The following PCDHGA5 variants were observed in gnomAD, a reference collection of about 807,000 sequenced individuals.
PCDHGA5 encodes protocadherin gamma subfamily A, 5, also known as protocadherin gamma-A5.
Under a neutral mutation model 56.7 loss-of-function variants are expected in PCDHGA5, and 36 were observed. That is an observed-to-expected ratio of 0.64 (90% CI 0.49 to 0.84). The LOEUF (loss-of-function observed/expected upper bound fraction) is 0.84. Ranked by LOEUF, PCDHGA5 falls within the 40% of genes least tolerant of loss-of-function variation. The pLI, the probability that PCDHGA5 is intolerant of heterozygous loss-of-function variation, is 0.00. For synonymous variants in PCDHGA5, 563 were observed against 520.2 expected (o/e 1.08, Z -1.12); for missense variants, 1,305 against 1,201.5 (o/e 1.09, Z -1.27).
At chr5:141,370,364 G>A (rs769081116) in intron 1 of PCDHGA5, 5 of 1,521,178 alleles carry the variant, frequency 3.3e-6, no homozygotes, top group Non-Finnish European at 3.5e-6. Context: ...CCTCTCCTCG[G>A]ATTTAGAAAG....
rs367578838 is a variant in PCDHGA5, at chr5:141,432,537, C to A, written c.2422-62270C>A. The A allele has an allele frequency of 5.0e-6, 8 of 1,613,882 alleles. No individual in the cohort carries two copies. Among genetic ancestry groups the A allele is most frequent in the African/African-American group, 1.3e-5 (1 of 74,922 alleles). Reference sequence around the variant, plus strand: ...GGCTACCTGGTGACCAAGGTGGTGGCGGTGGACAGAGACTCCGGCCAGAAC... The same window carrying A: ...GGCTACCTGGTGACCAAGGTGGTGGAGGTGGACAGAGACTCCGGCCAGAAC... On this transcript the variant is annotated intron_variant, in intron 1 of 3. Coordinates refer to ENST00000518069, the MANE Select transcript of PCDHGA5 (RefSeq NM_018918.3). This position sits in a 1 kb window ranked among gnomAD's most constrained non-coding sequence, Gnocchi z 6.0.
Position 141,486,006 on chromosome 5 carries a change from C to G in PCDHGA5, c.2422-8801C>G, listed in dbSNP as rs1394484191. The G allele has an allele frequency of 1.9e-6, 3 of 1,614,190 alleles. No individual in the cohort carries two copies. The highest frequency in any genetic ancestry group is 1.1e-5 in the South Asian group (1 of 91,084). On this transcript the variant is annotated intron_variant, in intron 1 of 3. Transcript: ENST00000518069. The surrounding 1 kb of genome is among the most constrained non-coding windows in gnomAD (Gnocchi z 5.0). Reference sequence around the variant, plus strand: ...GACCTGGGTCCCAGTGGTAACGTCACCTTTTATTTCAGTGGTCATACCCCT... The same window carrying G: ...GACCTGGGTCCCAGTGGTAACGTCAGCTTTTATTTCAGTGGTCATACCCCT...
At position 141,408,301 on chromosome 5, in the gene PCDHGA5, C is replaced by T. The variant is rs1472435921; in HGVS notation, c.2421+41550C>T. 3.1e-6 allele frequency: 5 copies of T among 1,613,756 alleles called. No individual in the cohort carries two copies. In the Admixed American group the frequency reaches 8.3e-5, roughly 27 times the overall value. ...TCTACCCCACCCTGAGTGAGCCGAT[C>T]CGCTACTCGATTCCGGAGGAGCTGG... On this transcript the variant is annotated intron_variant, in intron 1 of 3. Transcript: ENST00000518069.
At chr5:141,409,201 A>G (rs2095240333) in intron 1 of PCDHGA5, 1 of 1,614,044 alleles carries the variant, frequency 6.2e-7, no homozygotes, top group Non-Finnish European at 8.5e-7. Flanking sequence ...AGTGTAAAGT[A>G]ATCATAGAAA....
chr5:141,386,848 A>G (rs1458200403), intron 1 of PCDHGA5, among the ~76,000 whole-genome samples: 1 of 152,186 alleles, frequency 6.6e-6, no homozygotes, highest in East Asian at 1.9e-4. Flanking sequence ...TAATCACTAA[A>G]CTCAGTGAGC....
intron 1 of PCDHGA5, chr5:141,395,097 G>C (rs376460647): frequency 1.9e-6 from 3 of 1,614,158 alleles, no homozygotes; most frequent in Non-Finnish European, 2.5e-6. Flanking sequence ...CCTCACCGCC[G>C]ACTCGCGGAA....
Position 141,388,463 on chromosome 5 carries a change from G to A in PCDHGA5, c.2421+21712G>A, listed in dbSNP as rs367941349. Reference sequence around the variant, plus strand: ...AATCAGATGGCAGTAAATACCCTGAGATGGTATTGAAGACACCTTTGGACA... The same window carrying A: ...AATCAGATGGCAGTAAATACCCTGAAATGGTATTGAAGACACCTTTGGACA... On this transcript the variant is annotated intron_variant, in intron 1 of 3. Coordinates refer to ENST00000518069, the MANE Select transcript of PCDHGA5 (RefSeq NM_018918.3). 143 of 1,613,666 alleles carry A rather than the reference G, an allele frequency of 8.9e-5. 2 individuals are homozygous for A. The highest frequency in any genetic ancestry group is 1.3e-5 in the Non-Finnish European group (15 of 1,179,854).
At chr5:141,390,107 C>G (rs778685705) in intron 1 of PCDHGA5, 19 of 1,614,066 alleles carry the variant, frequency 1.2e-5, no homozygotes, top group Non-Finnish European at 1.6e-5. Context: ...CCCCCAACTA[C>G]AGCGAGGGGA....
At chr5:141,388,676 G>A in intron 1 of PCDHGA5, 7 of 1,613,946 alleles carry the variant, frequency 4.3e-6, no homozygotes, top group East Asian at 2.2e-5. Flanking sequence ...TGCTACAGGT[G>A]ACTGCCACGG....
At chr5:141,463,610 G>A (rs189991450) in intron 1 of PCDHGA5, among the ~76,000 whole-genome samples, 2 of 151,672 alleles carry the variant, frequency 1.3e-5, no homozygotes, top group Admixed American at 6.6e-5. Flanking sequence ...CACCATGCCC[G>A]GCTAATTTTT....
rs752744809 is a variant in PCDHGA5, at chr5:141,393,680, T to C, written c.2421+26929T>C. On this transcript the variant is annotated intron_variant, in intron 1 of 3. Coordinates refer to ENST00000518069, the MANE Select transcript of PCDHGA5 (RefSeq NM_018918.3). The stretch of plus-strand genomic sequence containing the variant: ...TCCGGAAAATTAATGAAAAACAAAC[T>C]CCGTTATTCCAGCTTAATGAAAATA... 8 of 1,613,764 alleles carry C rather than the reference T, an allele frequency of 5.0e-6. No individual in the cohort carries two copies. The East Asian group carries it at 1.1e-4, about 22-fold the overall frequency.
At position 141,476,752 on chromosome 5, in the gene PCDHGA5, A is replaced by C. The variant is rs771355583; in HGVS notation, c.2422-18055A>C. The C allele has an allele frequency of 6.2e-7, 1 of 1,613,926 alleles. No homozygotes were observed. The highest frequency in any genetic ancestry group is 1.1e-5 in the South Asian group (1 of 91,080). Reference sequence around the variant, plus strand: ...GAGAACGGGAGCCTAGTCTCCAGTTAGTGCTGACGGCGTTGGACGGAGGGA... The same window carrying C: ...GAGAACGGGAGCCTAGTCTCCAGTTCGTGCTGACGGCGTTGGACGGAGGGA... On this transcript the variant is annotated intron_variant, in intron 1 of 3. Transcript: ENST00000518069. The surrounding 1 kb of genome is among the most constrained non-coding windows in gnomAD (Gnocchi z 7.6).
chr5:141,400,155 A>C lies in PCDHGA5; in HGVS notation c.2421+33404A>C, dbSNP rs756922498. The C allele has an allele frequency of 5.0e-6, 8 of 1,613,966 alleles. 1 individual carries two copies. The South Asian group carries it at 6.6e-5, about 13-fold the overall frequency. ...TGCCGGATATCACTGACCGCCCTGT[A>C]CCCTCTGACCCCCAGGCTGAGCTGC... On this transcript the variant is annotated intron_variant, in intron 1 of 3. Transcript: ENST00000518069.
intron 1 of PCDHGA5, chr5:141,414,540 C>A (rs1158346953): frequency 1.2e-5 from 19 of 1,613,948 alleles, no homozygotes; most frequent in Non-Finnish European, 1.5e-5. Context: ...ACCCACCTAC[C>A]TTCTCTCAAG....
chr5:141,371,516 A>C, intron 1 of PCDHGA5: 5 of 1,613,882 alleles, frequency 3.1e-6, no homozygotes, highest in Non-Finnish European at 4.2e-6. Context: ...CACATGATCT[A>C]GATTCTGGAT....
At chr5:141,412,792 C>T (rs1387029327) in intron 1 of PCDHGA5, among the ~76,000 whole-genome samples, 1 of 152,194 alleles carries the variant, frequency 6.6e-6, no homozygotes. Flanking sequence ...TCCACTTTAT[C>T]ACACCTCCCC....
intron 1 of PCDHGA5, chr5:141,376,411 C>CTTAGTT: frequency 1.9e-6 from 3 of 1,614,182 alleles, no homozygotes; most frequent in Non-Finnish European, 2.5e-6. Context: ...CCAACTATGC[C>CTTAGTT]GACACGCTTA....
chr5:141,422,969 G>C (rs1269760845), intron 1 of PCDHGA5: 2 of 1,614,202 alleles, frequency 1.2e-6, no homozygotes, highest in South Asian at 2.2e-5. Flanking sequence ...CTGGCGCCCC[G>C]CTCTGCGGAA....
chr5:141,431,932 CT>C lies in PCDHGA5; in HGVS notation c.2422-62872del, dbSNP rs748715936. ...TCTGTTTCATCCAAGGAAATCTGCC[CT>C]TTAAATTAGAAAAATCTTACGGAAA... On this transcript the variant is annotated intron_variant, in intron 1 of 3. Transcript: ENST00000518069. The surrounding 1 kb of genome is among the most constrained non-coding windows in gnomAD (Gnocchi z 4.8). The C allele has an allele frequency of 6.2e-7, 1 of 1,614,172 alleles. No individual in the cohort carries two copies. Among genetic ancestry groups the C allele is most frequent in the Non-Finnish European group, 8.5e-7 (1 of 1,180,002 alleles).
Sources: gnomAD v4.1 joint callset for allele counts (sites outside exome capture counted in the v4.1 genomes callset) on GRCh38, gnomAD v4.1.1 for gene constraint, Gnocchi (gnomAD v3.1) non-coding constraint, MANE v1.5 for transcripts, NCBI Gene and HGNC (gene_info 2026-07-23, HGNC 2026-07-21) for gene names.